SHC3: variants seen among roughly 807,000 people sequenced by gnomAD.
The protein encoded by SHC3 is SHC-transforming protein 3.
Under a neutral mutation model 60.4 loss-of-function variants are expected in SHC3, and 15 were observed. That is an observed-to-expected ratio of 0.25 (90% CI 0.17 to 0.38). The LOEUF is 0.38. Among genes scored for constraint, SHC3 ranks in the 10% least tolerant of loss-of-function variants. SHC3 has a pLI of 1.00. For synonymous variants in SHC3, 294 were observed against 325.9 expected, an observed-to-expected ratio of 0.90 and a Z score of 1.05; for missense variants, 677 against 786.1, an observed-to-expected ratio of 0.86 and a Z score of 1.66.
At chr9:89,150,399 T>C (rs987878123) in intron 1 of SHC3, among the ~76,000 whole-genome samples, 1 of 152,166 alleles carries the variant, frequency 6.6e-6, no homozygotes, top group Non-Finnish European at 1.5e-5. Context: ...TAATCACTAA[T>C]CTACTTTCTG....
intron 11 of SHC3, among the ~76,000 whole-genome samples, chr9:89,018,333 C>G (rs1379728027): frequency 6.6e-6 from 1 of 152,168 alleles, no homozygotes; most frequent in South Asian, 2.1e-4. Flanking sequence ...GAGTTCATGT[C>G]CTTTGCAGGG....
intron 6 of SHC3, among the ~76,000 whole-genome samples, chr9:89,064,715 T>C (rs1036353036): frequency 2.0e-5 from 3 of 152,058 alleles, no homozygotes; most frequent in African/African-American, 7.2e-5. Flanking sequence ...ATCTTAAAAA[T>C]ATATCCAAGG....
chr9:89,120,307 T>C (rs1476314118), intron 1 of SHC3, among the ~76,000 whole-genome samples: 2 of 151,862 alleles, frequency 1.3e-5, no homozygotes, highest in Non-Finnish European at 2.9e-5. Context: ...CTGAGAAAAA[T>C]GTAATAAATT....
intron 1 of SHC3, among the ~76,000 whole-genome samples, chr9:89,166,116 C>T (rs1826785650): frequency 6.6e-6 from 1 of 152,116 alleles, no homozygotes; most frequent in African/African-American, 2.4e-5. Flanking sequence ...TGGGCCCACA[C>T]ACTCATGCAC....
intron 9 of SHC3, among the ~76,000 whole-genome samples, chr9:89,045,016 G>A (rs1473880431): frequency 2.0e-5 from 3 of 152,138 alleles, no homozygotes; most frequent in Non-Finnish European, 4.4e-5. Context: ...ACGAGACAAG[G>A]AAGGAAAGGC....
In SHC3 at chr9:89,075,106, T is replaced by C. The variant is rs1359352306; in HGVS notation, c.729+3A>G. On this transcript the variant is annotated splice_donor_region_variant and intron_variant, in intron 4 of 11. Coordinates refer to ENST00000375835, the MANE Select transcript of SHC3 (RefSeq NM_016848.6). Reference sequence around the variant, plus strand: ...GGGACAGGGGATCTGAGCACCCATGTACCTGTTTGGAGTCCGGAGTTCGCA... The same window carrying C: ...GGGACAGGGGATCTGAGCACCCATGCACCTGTTTGGAGTCCGGAGTTCGCA... The C allele has an allele frequency of 6.2e-7, 1 of 1,613,762 alleles. No homozygotes were observed.
intron 1 of SHC3, among the ~76,000 whole-genome samples, chr9:89,142,121 C>G (rs1158900095): frequency 6.6e-6 from 1 of 152,182 alleles, no homozygotes; most frequent in African/African-American, 2.4e-5. Flanking sequence ...TAGGAATTAA[C>G]ATCCCATGGT....
At chr9:89,142,499 A>G (rs1370588160) in intron 1 of SHC3, among the ~76,000 whole-genome samples, 3 of 151,928 alleles carry the variant, frequency 2.0e-5, no homozygotes, top group East Asian at 1.9e-4. Context: ...CCTGGCCAAC[A>G]TGGTGAAATC....
At chr9:89,114,041 G>A (rs1415817165) in intron 1 of SHC3, among the ~76,000 whole-genome samples, 1 of 152,090 alleles carries the variant, frequency 6.6e-6, no homozygotes, top group Non-Finnish European at 1.5e-5. Flanking sequence ...AGAGTTACGT[G>A]AAAACCACCA....
intron 2 of SHC3, among the ~76,000 whole-genome samples, chr9:89,100,457 T>A (rs1825766427): frequency 6.6e-6 from 1 of 152,282 alleles, no homozygotes; most frequent in South Asian, 2.1e-4. Context: ...CAGGTTGGTC[T>A]CAAACTCCCG....
intron 2 of SHC3, among the ~76,000 whole-genome samples, chr9:89,092,312 T>C (rs989114702): frequency 6.6e-6 from 1 of 152,134 alleles, no homozygotes; most frequent in African/African-American, 2.4e-5. Context: ...GCCATATGAT[T>C]TGCAACTATA....
At chr9:89,055,215 T>G (rs913144558) in intron 6 of SHC3, among the ~76,000 whole-genome samples, 4 of 152,232 alleles carry the variant, frequency 2.6e-5, no homozygotes, top group African/African-American at 9.6e-5. Flanking sequence ...TGCATCCCAA[T>G]CCACCAGACT....
At chr9:89,157,529 C>T (rs910770763) in intron 1 of SHC3, among the ~76,000 whole-genome samples, 3 of 152,222 alleles carry the variant, frequency 2.0e-5, no homozygotes, top group African/African-American at 7.2e-5. Context: ...TGTTTTAAGT[C>T]ACTAAATTTG....
intron 11 of SHC3, 121 bp downstream of exon 11, chr9:89,037,872 G>T: frequency 7.8e-7 from 1 of 1,279,612 alleles, no homozygotes; most frequent in Non-Finnish European, 1.1e-6. Flanking sequence ...TTCCCCTGGA[G>T]GACTCAGTAG....
chr9:89,087,257 A>C (rs1825545556), intron 2 of SHC3, among the ~76,000 whole-genome samples: 1 of 152,230 alleles, frequency 6.6e-6, no homozygotes, highest in African/African-American at 2.4e-5. Flanking sequence ...CTTTCATCCA[A>C]GTAGCCTAAC....
At chr9:89,075,357 T>C in intron 3 of SHC3, 129 bp from the exon 4 acceptor site, 1 of 1,251,928 alleles carries the variant, frequency 8.0e-7, no homozygotes, top group South Asian at 1.5e-5. Context: ...AGACAAAATG[T>C]GAAATGAATA....
At position 89,007,801 on chromosome 9, in the gene SHC3, G is replaced by C. The variant is rs978700111; in HGVS notation, c.*5646C>G. 3 of 152,290 alleles carry C rather than the reference G, an allele frequency of 2.0e-5. No homozygotes were observed. Among genetic ancestry groups the C allele is most frequent in the Non-Finnish European group, 4.4e-5 (3 of 68,162 alleles). The allele number at this position is 152,290 out of a possible 1,614,324, so 9.4% of individuals were successfully genotyped here. On this transcript the variant is annotated 3_prime_UTR_variant, in exon 12 of 12. Transcript: ENST00000375835. ...ACTGGCTTCTCTGTCATTTCCCACAGTGGGTTCCCCCAATCCCTGTGGTCC... is the reference window on the plus strand; with the variant it reads ...ACTGGCTTCTCTGTCATTTCCCACACTGGGTTCCCCCAATCCCTGTGGTCC...
intron 1 of SHC3, among the ~76,000 whole-genome samples, chr9:89,153,503 C>A (rs569423367): frequency 6.6e-6 from 1 of 152,212 alleles, no homozygotes; most frequent in East Asian, 1.9e-4. Flanking sequence ...TCACTTTGTC[C>A]TTTGCCTTTT....
Position 89,075,433 on chromosome 9 carries a change from A to G in SHC3, c.610-205T>C, listed in dbSNP as rs60869550. 9.3e-3 allele frequency among the ~76,000 whole-genome samples: 1,411 copies of G among 152,316 alleles called. 25 individuals are homozygous for G. Among genetic ancestry groups the G allele is most frequent in the African/African-American group, 0.032 (1,333 of 41,556 alleles). Reference sequence around the variant, plus strand: ...AGAATATGCAACATGCAAATTATAAACCATATAATATGCAAATGCTGAGGT... The same window carrying G: ...AGAATATGCAACATGCAAATTATAAGCCATATAATATGCAAATGCTGAGGT... On this transcript the variant is annotated intron_variant, in intron 3 of 11. Transcript: ENST00000375835.
Sources: gnomAD v4.1 joint callset for allele counts (sites outside exome capture counted in the v4.1 genomes callset) on GRCh38, gnomAD v4.1.1 for gene constraint, MANE v1.5 for transcripts, NCBI Gene and HGNC (gene_info 2026-07-23, HGNC 2026-07-21) for gene names.